NUP98: variants seen among roughly 807,000 people sequenced by gnomAD.
NUP98 encodes the protein nuclear pore complex protein Nup98-Nup96.
Under a neutral mutation model 191.9 loss-of-function variants are expected in NUP98, and 26 were observed. The observed-to-expected ratio is 0.14, with a 90% CI of 0.10 to 0.19. The LOEUF (loss-of-function observed/expected upper bound fraction) is 0.19, where lower values mean the gene tolerates loss of function less well. Among genes scored for constraint, NUP98 ranks in the 10% least tolerant of loss-of-function variants. The pLI is 1.00. For missense variants in NUP98, 1,941 were observed against 2,178.8 expected (o/e 0.89, Z 2.17); for synonymous variants, 808 against 778.4 (o/e 1.04, Z -0.63).
intron 18 of NUP98, among the ~76,000 whole-genome samples, chr11:3,715,981 A>G (rs1435042118): frequency 2.6e-5 from 4 of 152,178 alleles, no homozygotes; most frequent in Non-Finnish European, 4.4e-5. Flanking sequence ...TATTCTGGCT[A>G]TGAACCCCTT....
chr11:3,776,862 C>G (rs965011746), intron 4 of NUP98, among the ~76,000 whole-genome samples: 2 of 152,132 alleles, frequency 1.3e-5, no homozygotes, highest in African/African-American at 4.8e-5. Flanking sequence ...AAGTCTGAAT[C>G]CTTTGGTCAG....
At position 3,702,313 on chromosome 11, in the gene NUP98, ACTCT is replaced by A. The variant is rs71041375; in HGVS notation, c.3512+146_3512+149del. The A allele has an allele frequency of 8.1e-3, 2,802 of 344,484 alleles. 16 individuals carry two copies. Among genetic ancestry groups the A allele is most frequent in the African/African-American group, 0.017 (363 of 21,614 alleles). The allele number at this position is 344,484 out of a possible 1,614,324, so 21.3% of individuals were successfully genotyped here. A position where few individuals can be genotyped will look rare whatever the true frequency, so the allele number is the denominator to read the frequency against. ...CACACACACACACACACACACACACACTCTCTCTCTCTCTCTCTCTCTCTCTCTC... is the reference window on the plus strand; with the variant it reads ...CACACACACACACACACACACACACACTCTCTCTCTCTCTCTCTCTCTCTC... On this transcript the variant is annotated intron_variant, in intron 23 of 32. Transcript: ENST00000324932.
intron 20 of NUP98, chr11:3,712,332 A>G: frequency 1.5e-6 from 2 of 1,321,232 alleles, no homozygotes; most frequent in East Asian, 2.9e-5. Context: ...TAAAAATGAC[A>G]ATCTGTAGAG....
intron 11 of NUP98, among the ~76,000 whole-genome samples, chr11:3,745,529 T>C (rs761251124): frequency 1.3e-5 from 2 of 152,138 alleles, no homozygotes; most frequent in Admixed American, 6.6e-5. Context: ...GGGAAGAATA[T>C]GGTGAATACA....
rs116916457 is a variant in NUP98, at chr11:3,708,168, T to C, written c.2743-1541A>G. Among the ~76,000 whole-genome samples, 75 of 152,294 alleles carry C rather than the reference T, an allele frequency of 4.9e-4. 1 individual carries two copies. The East Asian group carries it at 0.014, about 29-fold the overall frequency. On this transcript the variant is annotated intron_variant, in intron 20 of 32. Coordinates refer to ENST00000324932, the MANE Select transcript of NUP98 (RefSeq NM_016320.5). ...TAAAATGGTTTATGGCTGTTTTCTG[T>C]GTCTAGCACATCACTAAGTTCAACA... is the stretch of plus-strand genomic sequence containing the variant.
chr11:3,680,023 A>T (rs2077938006), intron 30 of NUP98, among the ~76,000 whole-genome samples: 1 of 152,256 alleles, frequency 6.6e-6, no homozygotes. Flanking sequence ...ACCTTAATTT[A>T]AAAATATTTT....
intron 15 of NUP98, among the ~76,000 whole-genome samples, chr11:3,724,408 C>G (rs918755336): frequency 6.0e-5 from 9 of 149,090 alleles, no homozygotes; most frequent in African/African-American, 2.0e-4. Flanking sequence ...TGCACTCCAG[C>G]CTGGGTAATA....
chr11:3,694,696 T>A (rs897080356), intron 26 of NUP98, among the ~76,000 whole-genome samples: 28 of 150,300 alleles, frequency 1.9e-4, no homozygotes, highest in African/African-American at 5.6e-4. Context: ...GCCCAGATCG[T>A]GCCACTGCAC....
chr11:3,788,416 T>C (rs1036218757), intron 1 of NUP98, among the ~76,000 whole-genome samples: 1 of 151,986 alleles, frequency 6.6e-6, no homozygotes, highest in Non-Finnish European at 1.5e-5. Context: ...CAGCCTGGCC[T>C]ACATGGTGAA....
intron 12 of NUP98, 148 bp from the exon 13 acceptor site, chr11:3,735,472 G>A (rs564715610): frequency 3.7e-5 from 13 of 347,596 alleles, no homozygotes; most frequent in Non-Finnish European, 6.3e-5. Flanking sequence ...CAGAATGTGT[G>A]TAGAGCAAAC....
intron 1 of NUP98, among the ~76,000 whole-genome samples, chr11:3,788,693 C>T (rs930691702): frequency 1.3e-5 from 2 of 152,164 alleles, no homozygotes; most frequent in South Asian, 2.1e-4. Context: ...CGCATGTAAT[C>T]GCACCATTTT....
At chr11:3,773,872 C>A (rs866260206) in intron 5 of NUP98, 133 bp from the exon 6 acceptor site, 1 of 535,582 alleles carries the variant, frequency 1.9e-6, no homozygotes, top group South Asian at 2.6e-5. Context: ...TTCAAGGGTG[C>A]TTGATTAAAT....
chr11:3,796,000 T>C (rs2082531437), intron 1 of NUP98, among the ~76,000 whole-genome samples: 1 of 152,360 alleles, frequency 6.6e-6, no homozygotes, highest in African/African-American at 2.4e-5. Context: ...TACCCAAGTA[T>C]TTCCCAGTAC....
chr11:3,760,451 T>C, intron 10 of NUP98, 88 bp downstream of exon 10: 1 of 1,590,682 alleles, frequency 6.3e-7, no homozygotes, highest in Non-Finnish European at 8.6e-7. Flanking sequence ...ATAGTCAGTG[T>C]AACTTTAAGA....
At chr11:3,772,490 T>G (rs188961207) in intron 6 of NUP98, among the ~76,000 whole-genome samples, 29 of 152,218 alleles carry the variant, frequency 1.9e-4, no homozygotes, top group African/African-American at 6.7e-4. Flanking sequence ...ACAACATGGA[T>G]GACTATCTCA....
In NUP98 at chr11:3,779,040, A is replaced by G; in HGVS notation, c.188T>C (p.Phe63Ser). The change falls in exon 4 of 33, where the codon TTT (phenylalanine) becomes TCT (serine). Residue 63 changes from phenylalanine (F) to serine (S), a missense_variant. Physicochemically the swap from Phe to Ser is radical, Grantham distance 155. Coordinates refer to ENST00000324932, the MANE Select transcript of NUP98 (RefSeq NM_016320.5). The stretch of plus-strand genomic sequence containing the variant: ...TGGCTGGCTAAATGAACTGGTTCCA[A>G]ACAATCCTCCTGAGGAGATGGAGAA... ...GNSQTKPGGL[F>S]GTSSFSQPAT... 6.2e-7 allele frequency: 1 copy of G among 1,614,220 alleles called. No homozygotes were observed. Among genetic ancestry groups the G allele is most frequent in the Non-Finnish European group, 8.5e-7 (1 of 1,180,044 alleles).
chr11:3,729,225 T>C (rs528396468), intron 14 of NUP98, among the ~76,000 whole-genome samples: 1 of 151,978 alleles, frequency 6.6e-6, no homozygotes, highest in African/African-American at 2.4e-5. Flanking sequence ...ATAGATAAAA[T>C]GTGATCAACA....
chr11:3,767,326 C>CT (rs1034138213), intron 8 of NUP98, among the ~76,000 whole-genome samples: 52 of 148,562 alleles, frequency 3.5e-4, no homozygotes, highest in Admixed American at 1.1e-3. Context: ...TACAAGCATA[C>CT]TTTTTTTTTT....
Position 3,720,751 on chromosome 11 carries a change from C to G in NUP98, c.2221G>C (p.Gly741Arg). ...GTGAAATCAGAGACAATGCACTCTC[C>G]TTTTTCATTGGTAATTTTAGCAAGG... ...DDLAKITNEKGECIVSDFTIG... is the reference protein window; with the variant it reads ...DDLAKITNEKRECIVSDFTIG... The change falls in exon 17 of 33, where the codon GGA becomes CGA. Residue 741 changes from glycine to arginine, a missense_variant. Around this residue, in one of 6 missense-constraint regions of NUP98, gnomAD observed 453 missense variants for 438.2 expected, o/e 1.03. Coordinates refer to ENST00000324932, the MANE Select transcript of NUP98 (RefSeq NM_016320.5). The G allele has an allele frequency of 6.3e-7, 1 of 1,582,064 alleles. No homozygotes were observed. The highest frequency in any genetic ancestry group is 8.6e-7 in the Non-Finnish European group (1 of 1,160,492).
Sources: gnomAD v4.1 joint callset for allele counts (sites outside exome capture counted in the v4.1 genomes callset) on GRCh38, gnomAD v4.1.1 for gene constraint, gnomAD v4.1.1 regional missense constraint, MANE v1.5 for transcripts, NCBI Gene and HGNC (gene_info 2026-07-23, HGNC 2026-07-21) for gene names.